The following JPH3 variants were observed in gnomAD, a reference collection of about 807,000 sequenced individuals.
JPH3 encodes junctophilin 3.
A neutral mutation model predicts 59.6 loss-of-function variants in JPH3; 11 were observed. That is an observed-to-expected ratio of 0.18 (90% confidence interval 0.12 to 0.31). The LOEUF is 0.31. Among genes scored for constraint, JPH3 ranks in the 10% least tolerant of loss-of-function variants. JPH3 has a pLI of 1.00. For missense variants in JPH3, 1,202 were observed against 1,105.7 expected, an observed-to-expected ratio of 1.09 and a Z score of -1.24; for synonymous variants, 673 against 483.6, an observed-to-expected ratio of 1.39 and a Z score of -5.14.
rs1422177376 is a variant in JPH3, at chr16:87,696,978, T to C, written c.*318T>C. On this transcript the variant is annotated 3_prime_UTR_variant, in exon 5 of 5. Transcript: ENST00000284262. The stretch of plus-strand genomic sequence containing the variant: ...GCACATCAGTGGTAACAGCGGACGT[T>C]GTCCTCGTGGTCACACGTCCCGTCT... 8.2e-6 allele frequency: 3 copies of C among 366,650 alleles called. No individual in the cohort carries two copies. In the East Asian group the frequency reaches 1.9e-4, roughly 23 times the overall value. The allele number at this position is 366,650 out of a possible 1,614,324, so 22.7% of individuals were successfully genotyped here.
At chr16:87,695,812 T>TG (rs1322264607) in intron 4 of JPH3, 1 of 455,918 alleles carries the variant, frequency 2.2e-6, no homozygotes, top group East Asian at 6.9e-5. Context: ...AAGGCTCTGT[T>TG]GTGAGACGTG....
At chr16:87,668,092 C>T (rs58305102) in intron 2 of JPH3, among the ~76,000 whole-genome samples, 3,773 of 152,268 alleles carry the variant, frequency 0.025, 172 homozygotes, top group African/African-American at 0.085. Context: ...ATGAGCAGAG[C>T]GCAGCGCCCG....
At chr16:87,622,173 C>T (rs2031209320) in intron 1 of JPH3, among the ~76,000 whole-genome samples, 1 of 152,216 alleles carries the variant, frequency 6.6e-6, no homozygotes, top group South Asian at 2.1e-4. Context: ...TACCTCTCTG[C>T]CGCCGTCTGC....
chr16:87,626,719 G>A (rs1190348351), intron 1 of JPH3, among the ~76,000 whole-genome samples: 1 of 152,270 alleles, frequency 6.6e-6, no homozygotes, highest in Non-Finnish European at 1.5e-5. Context: ...GGGATGGTTG[G>A]AGATGCAGAT....
chr16:87,684,472 G>C, intron 3 of JPH3: 2 of 687,790 alleles, frequency 2.9e-6, no homozygotes, highest in Non-Finnish European at 4.8e-6. Context: ...CAGGACATGT[G>C]TCTTGGCAGG....
chr16:87,608,934 G>A (rs1286223120), intron 1 of JPH3, among the ~76,000 whole-genome samples: 2 of 152,246 alleles, frequency 1.3e-5, no homozygotes, highest in Admixed American at 6.5e-5. Context: ...CCACTCAGGA[G>A]GCTGAGGTGA....
At chr16:87,633,905 C>G (rs534176860) in intron 1 of JPH3, among the ~76,000 whole-genome samples, 1 of 149,244 alleles carries the variant, frequency 6.7e-6, no homozygotes, top group East Asian at 1.9e-4. Context: ...CAAACCCTTG[C>G]TTTTGACCAA....
At chr16:87,696,449 C>T in intron 4 of JPH3, 131 bp from the exon 5 acceptor site, 1 of 745,086 alleles carries the variant, frequency 1.3e-6, no homozygotes, top group South Asian at 1.5e-5. Flanking sequence ...CCAAGCGTTT[C>T]TAACATCCTC....
chr16:87,602,924 G>A lies in JPH3; in HGVS notation c.-223G>A. 2.2e-6 allele frequency: 1 copy of A among 462,638 alleles called. No individual in the cohort carries two copies. Among genetic ancestry groups the A allele is most frequent in the Non-Finnish European group, 3.8e-6 (1 of 263,454 alleles). The allele number at this position is 462,638 out of a possible 1,614,324, so 28.7% of individuals were successfully genotyped here. ...AGCGGGAGCGCGAGACGCTGGTCAG[G>A]CTCCGCGGCGCAGCTCGAAAAGGAA... On this transcript the variant is annotated 5_prime_UTR_variant, in exon 1 of 5. Transcript: ENST00000284262.
intron 2 of JPH3, among the ~76,000 whole-genome samples, chr16:87,658,091 G>A (rs1172354091): frequency 6.6e-6 from 1 of 152,206 alleles, no homozygotes; most frequent in Admixed American, 6.5e-5. Flanking sequence ...GCACCATGCG[G>A]CCCACGCTTC....
At chr16:87,620,490 A>AGAAGGAGAGAAGAGAGGGAG (rs1567584996) in intron 1 of JPH3, among the ~76,000 whole-genome samples, 1 of 87,264 alleles carries the variant, frequency 1.1e-5, no homozygotes, top group African/African-American at 4.5e-5. Flanking sequence ...AGAGAGGGAG[A>AGAAGGAGAGAAGAGAGGGAG]GGGGGAGGGG....
Position 87,677,221 on chromosome 16 carries a change from CACACAA to C in JPH3, c.1161-6919_1161-6914del, listed in dbSNP as rs1291509562. On this transcript the variant is annotated intron_variant, in intron 2 of 4. Transcript: ENST00000284262. ...ACACACACACACACACACACACACA[CACACAA>C]AAAAAAAAATTAGCCGGGTGTGGTG... is the stretch of plus-strand genomic sequence containing the variant. Among the ~76,000 whole-genome samples the C allele has an allele frequency of 5.8e-3, 698 of 119,844 alleles. 3 individuals carry two copies. Among genetic ancestry groups the C allele is most frequent in the Non-Finnish European group, 8.2e-3 (479 of 58,770 alleles). The allele number at this position is 119,844 out of a possible 152,430, so 78.6% of individuals were successfully genotyped here. A position where few individuals can be genotyped will look rare whatever the true frequency, so the allele number is the denominator to read the frequency against.
chr16:87,679,363 C>T (rs1377288285), intron 2 of JPH3, among the ~76,000 whole-genome samples: 1 of 152,192 alleles, frequency 6.6e-6, no homozygotes, highest in African/African-American at 2.4e-5. Context: ...GCTCTGATCG[C>T]AGACCTCCTG....
At chr16:87,695,401 G>T (rs773486037) in intron 4 of JPH3, 2 of 456,138 alleles carry the variant, frequency 4.4e-6, no homozygotes, top group African/African-American at 2.0e-5. Context: ...GACAAGCCCT[G>T]GTCCATCTGT....
At chr16:87,650,350 A>G (rs1263073626) in intron 2 of JPH3, among the ~76,000 whole-genome samples, 5 of 152,088 alleles carry the variant, frequency 3.3e-5, no homozygotes, top group African/African-American at 9.7e-5. Flanking sequence ...GTTCTGACCA[A>G]TCCTCCAACC....
intron 1 of JPH3, among the ~76,000 whole-genome samples, chr16:87,619,315 GA>G (rs547047794): frequency 2.2e-4 from 31 of 140,612 alleles, no homozygotes; most frequent in African/African-American, 7.9e-4. Context: ...CCTGTCTTAA[GA>G]AAAAAAAAAA....
intron 2 of JPH3, among the ~76,000 whole-genome samples, chr16:87,677,114 G>A (rs965130853): frequency 4.0e-5 from 6 of 150,080 alleles, no homozygotes; most frequent in African/African-American, 9.9e-5. Flanking sequence ...AGCTGAGATC[G>A]TGCCACTGCA....
chr16:87,616,483 C>A (rs190594291), intron 1 of JPH3, among the ~76,000 whole-genome samples: 4 of 151,794 alleles, frequency 2.6e-5, no homozygotes, highest in Admixed American at 1.3e-4. Flanking sequence ...ATCTCCTGAC[C>A]TCGTGATCCG....
chr16:87,610,670 A>G (rs559926721), intron 1 of JPH3, among the ~76,000 whole-genome samples: 4 of 152,324 alleles, frequency 2.6e-5, no homozygotes, highest in South Asian at 2.1e-4. Context: ...TACAATTAGC[A>G]TTAAAACATG....
Sources: allele counts gnomAD v4.1 joint callset (sites outside exome capture counted in the v4.1 genomes callset), GRCh38; gene constraint gnomAD v4.1.1; transcripts MANE v1.5; gene names NCBI Gene and HGNC (gene_info 2026-07-23, HGNC 2026-07-21).